Variants in RBPJ observed in about 807,000 individuals in gnomAD.
The protein encoded by RBPJ is recombination signal binding protein for immunoglobulin kappa J region.
A neutral mutation model predicts 67.8 loss-of-function variants in RBPJ; 9 were observed. The observed-to-expected ratio is 0.13, with a 90% CI of 0.08 to 0.23. The LOEUF (loss-of-function observed/expected upper bound fraction) is 0.23, where lower values mean the gene tolerates loss of function less well. Ranked by LOEUF, RBPJ falls within the 10% of genes least tolerant of loss-of-function variation. The probability of loss-of-function intolerance (pLI) is 1.00; values close to 1 mark genes in which losing one functional copy is unlikely to be tolerated. For synonymous variants in RBPJ, 198 were observed against 203.3 expected, an observed-to-expected ratio of 0.97 and a Z score of 0.22; for missense variants, 305 against 595.6, an observed-to-expected ratio of 0.51 and a Z score of 5.08.
At chr4:26,124,199 C>G in the RBPJ span, among the ~76,000 whole-genome samples, 1 of 151,464 alleles carries the variant, frequency 6.6e-6, no homozygotes, top group African/African-American at 2.4e-5. Context: ...TATACCTCAC[C>G]CCTTTCCCAC....
intron 1 of RBPJ, among the ~76,000 whole-genome samples, chr4:26,358,365 A>T (rs1174509840): frequency 6.6e-6 from 1 of 152,152 alleles, no homozygotes; most frequent in Non-Finnish European, 1.5e-5. Context: ...GAAGTGTAAT[A>T]GGCACAAAAT....
chr4:26,252,961 A>G lies in RBPJ; in HGVS notation c.-167+89347A>G, dbSNP rs562604280. The stretch of plus-strand genomic sequence containing the variant: ...TAAAAAACCCAGCTGCTTTTTCACT[A>G]GAGATTTATAATAATACCAAACTTA... On this transcript the variant is annotated intron_variant, in intron 1 of 4. Transcript: ENST00000512351. Among the ~76,000 whole-genome samples, 64 of 152,356 alleles carry G rather than the reference A, an allele frequency of 4.2e-4. 2 individuals carry two copies. In the South Asian group the frequency reaches 0.013, roughly 32 times the overall value.
At chr4:26,111,875 C>T in the RBPJ span, 1 of 197,704 alleles carries the variant, frequency 5.1e-6, no homozygotes, top group Non-Finnish European at 1.1e-5. Flanking sequence ...ATGAACAAAT[C>T]CCAAGAACAA....
intron 1 of RBPJ, among the ~76,000 whole-genome samples, chr4:26,204,897 T>G (rs775619036): frequency 6.6e-6 from 1 of 152,206 alleles, no homozygotes; most frequent in Non-Finnish European, 1.5e-5. Context: ...GGGCTAAATA[T>G]AGTCTCACCC....
the RBPJ span, among the ~76,000 whole-genome samples, chr4:26,106,588 G>A: frequency 6.6e-6 from 1 of 152,148 alleles, no homozygotes; most frequent in Non-Finnish European, 1.5e-5. Context: ...CGCAGCTTTT[G>A]CAGGAGCTTT....
chr4:26,216,850 A>G (rs1435279217), intron 1 of RBPJ, among the ~76,000 whole-genome samples: 1 of 152,196 alleles, frequency 6.6e-6, no homozygotes, highest in Non-Finnish European at 1.5e-5. Flanking sequence ...GCCTGAGCCC[A>G]GGAAGTTGAG....
intron 1 of RBPJ, among the ~76,000 whole-genome samples, chr4:26,345,022 C>T (rs1340730467): frequency 6.6e-6 from 1 of 152,172 alleles, no homozygotes; most frequent in East Asian, 1.9e-4. Context: ...GTTCTTCCTA[C>T]AAAAGAGCTT....
chr4:26,152,695 T>C, the RBPJ span, among the ~76,000 whole-genome samples: 1 of 152,264 alleles, frequency 6.6e-6, no homozygotes, highest in Non-Finnish European at 1.5e-5. Flanking sequence ...CAGGTTGTTC[T>C]GAATCCATAG....
the RBPJ span, among the ~76,000 whole-genome samples, chr4:26,115,389 G>GT: frequency 6.5e-3 from 952 of 146,334 alleles, 1 homozygote; most frequent in East Asian, 0.011. Flanking sequence ...GCCAGTATAA[G>GT]TTTTTTTTTT....
intron 1 of RBPJ, among the ~76,000 whole-genome samples, chr4:26,296,140 A>G (rs971959714): frequency 1.3e-5 from 2 of 152,234 alleles, no homozygotes; most frequent in Non-Finnish European, 2.9e-5. Flanking sequence ...TGAACTGGCA[A>G]TTTCTGTAAT....
chr4:26,126,605 C>T, the RBPJ span, among the ~76,000 whole-genome samples: 1 of 152,228 alleles, frequency 6.6e-6, no homozygotes, highest in Non-Finnish European at 1.5e-5. Context: ...TAATGCCCTG[C>T]TCATTTTCCA....
At chr4:26,316,458 C>T (rs982230513), upstream of RBPJ, among the ~76,000 whole-genome samples, 36 of 129,212 alleles carry the variant, frequency 2.8e-4, no homozygotes, top group Middle Eastern at 4.2e-3. Flanking sequence ...TTCATATATA[C>T]ATTCATATAT....
In RBPJ at chr4:26,428,893, T is replaced by G. The variant is rs145713362; in HGVS notation, c.888+33T>G. 2,991 of 1,545,936 alleles carry G rather than the reference T, an allele frequency of 1.9e-3. 10 individuals are homozygous for G. The highest frequency in any genetic ancestry group is 1.3e-3 in the Non-Finnish European group (1,423 of 1,120,878). On this transcript the variant is annotated intron_variant, in intron 8 of 10. Coordinates refer to ENST00000355476, the MANE Select transcript of RBPJ (RefSeq NM_015874.6). ...TTTAAATTACTGGTGAAATCTAAAA[T>G]GTACAAACTGTGAGGTTAGCAGCTT...
chr4:26,312,002 AC>A (rs1208759822), intron 1 of RBPJ, among the ~76,000 whole-genome samples: 3 of 152,106 alleles, frequency 2.0e-5, no homozygotes, highest in African/African-American at 7.2e-5. Context: ...TGTTATAAAT[AC>A]CTGCTATAAA....
chr4:26,122,603 A>T, the RBPJ span, among the ~76,000 whole-genome samples: 1 of 152,198 alleles, frequency 6.6e-6, no homozygotes, highest in Non-Finnish European at 1.5e-5. Flanking sequence ...TTTTTTGGAG[A>T]TGATTAATGT....
chr4:26,130,623 C>T, the RBPJ span, among the ~76,000 whole-genome samples: 1 of 152,150 alleles, frequency 6.6e-6, no homozygotes, highest in African/African-American at 2.4e-5. Flanking sequence ...TCACGACTCC[C>T]ATTACTCTCC....
intron 1 of RBPJ, among the ~76,000 whole-genome samples, chr4:26,246,640 C>T (rs1244901562): frequency 1.3e-5 from 2 of 152,182 alleles, no homozygotes; most frequent in Non-Finnish European, 1.5e-5. Context: ...GCAAGCCTGC[C>T]ACCAGCAAAT....
At chr4:26,164,497 C>A (rs1447649094) in intron 1 of RBPJ, among the ~76,000 whole-genome samples, 1 of 152,190 alleles carries the variant, frequency 6.6e-6, no homozygotes, top group Non-Finnish European at 1.5e-5. Flanking sequence ...GTACCCCAAG[C>A]ACTGTCTGCC....
chr4:26,432,619 T>C lies in RBPJ; in HGVS notation c.*1612T>C, dbSNP rs1183317469. 1 of 152,210 alleles carries C rather than the reference T, an allele frequency of 6.6e-6. No homozygotes were observed. Among genetic ancestry groups the C allele is most frequent in the African/African-American group, 2.4e-5 (1 of 41,456 alleles). 9.4% of individuals were successfully genotyped at this position (152,210 alleles called of 1,614,324 possible). A position where few individuals can be genotyped will look rare whatever the true frequency, so the allele number is the denominator to read the frequency against. ...TTTCTTCGAAATTGCAGCAGACTCA[T>C]TGGGCTACATTTAGTACAGGAACCA... On this transcript the variant is annotated 3_prime_UTR_variant, in exon 11 of 11. Coordinates refer to ENST00000355476, the MANE Select transcript of RBPJ (RefSeq NM_015874.6).
Sources: allele counts gnomAD v4.1 joint callset (sites outside exome capture counted in the v4.1 genomes callset), GRCh38; gene constraint gnomAD v4.1.1; transcripts MANE v1.5; gene names NCBI Gene and HGNC (gene_info 2026-07-23, HGNC 2026-07-21).